The following CEACAM19 variants were observed in gnomAD, a reference collection of about 807,000 sequenced individuals.
The protein encoded by CEACAM19 is cell adhesion molecule CEACAM19.
In CEACAM19, 37 loss-of-function variants were observed where a neutral mutation model predicts 37.6. The ratio of observed to expected loss-of-function variants is 0.98; its 90% CI spans 0.76 to 1.29. The LOEUF is 1.29. Ranked by LOEUF, CEACAM19 falls within the 50% of genes most tolerant of loss-of-function variation. The pLI is 0.00. For synonymous variants in CEACAM19, 140 were observed against 149.8 expected (o/e 0.93, Z 0.48); for missense variants, 340 against 375.6 (o/e 0.91, Z 0.78).
At chr19:44,668,023 G>T (rs1321183439), upstream of CEACAM19, among the ~76,000 whole-genome samples, 32 of 73,162 alleles carry the variant, frequency 4.4e-4, 1 homozygote, top group East Asian at 9.2e-4. Flanking sequence ...TATTTATATA[G>T]TATATATTAT....
chr19:44,676,928 A>C (rs1406046304), intron 3 of CEACAM19, among the ~76,000 whole-genome samples: 1 of 152,156 alleles, frequency 6.6e-6, no homozygotes, highest in East Asian at 1.9e-4. Context: ...AAAAACAAGG[A>C]ATTGTTTAAT....
chr19:44,667,851 ATAT>A (rs1568512319), upstream of CEACAM19, among the ~76,000 whole-genome samples: 3 of 70,844 alleles, frequency 4.2e-5, no homozygotes, highest in African/African-American at 1.9e-4. Context: ...AATATATACA[ATAT>A]ATATAAATTA....
intron 1 of CEACAM19, among the ~76,000 whole-genome samples, chr19:44,672,266 T>TATGTATA (rs1232631944): frequency 1.3e-5 from 2 of 152,210 alleles, no homozygotes; most frequent in Non-Finnish European, 2.9e-5. Flanking sequence ...ATAGTTGGTA[T>TATGTATA]TATAGCTTAT....
chr19:44,679,189 C>T (rs1470293779), intron 4 of CEACAM19, among the ~76,000 whole-genome samples: 2 of 152,170 alleles, frequency 1.3e-5, no homozygotes, highest in African/African-American at 2.4e-5. Flanking sequence ...GACGGGATCT[C>T]ACTTTGTGAG....
intron 6 of CEACAM19, among the ~76,000 whole-genome samples, chr19:44,682,233 G>A (rs1974073676): frequency 6.6e-6 from 1 of 152,214 alleles, no homozygotes; most frequent in South Asian, 2.1e-4. Context: ...CTGGGTGACA[G>A]AGCAAGATCC....
chr19:44,678,573 G>T (rs576729662), intron 3 of CEACAM19: 38 of 242,562 alleles, frequency 1.6e-4, no homozygotes, highest in African/African-American at 7.9e-4. Flanking sequence ...ACCTCGCCTG[G>T]CTAATTTTTG....
At position 44,676,427 on chromosome 19, in the gene CEACAM19, G is replaced by A. The variant is rs1418065562; in HGVS notation, c.575+6G>A. On this transcript the variant is annotated splice_donor_region_variant and intron_variant, in intron 3 of 7. Coordinates refer to ENST00000358777, the MANE Select transcript of CEACAM19 (RefSeq NM_001127893.3). The stretch of plus-strand genomic sequence containing the variant: ...TGGAGGGGCCAGAGCCACAGGTACA[G>A]GGTCCCCAAGTGTCCCTCTCCTGTC... 1 of 1,613,894 alleles carries A rather than the reference G, an allele frequency of 6.2e-7. No individual in the cohort carries two copies. Among genetic ancestry groups the A allele is most frequent in the Non-Finnish European group, 8.5e-7 (1 of 1,179,936 alleles).
At chr19:44,674,779 C>T (rs942835807) in intron 2 of CEACAM19, among the ~76,000 whole-genome samples, 46 of 152,160 alleles carry the variant, frequency 3.0e-4, no homozygotes, top group Non-Finnish European at 5.6e-4. Context: ...AGGCAAAAGT[C>T]AACTCAACAT....
chr19:44,684,091 C>T lies in CEACAM19; in HGVS notation c.*601C>T, dbSNP rs1568519498. 6.6e-6 allele frequency: 1 copy of T among 152,538 alleles called. No homozygotes were observed. Among genetic ancestry groups the T allele is most frequent in the Non-Finnish European group, 1.5e-5 (1 of 68,300 alleles). The allele number at this position is 152,538 out of a possible 1,614,324, so 9.4% of individuals were successfully genotyped here. A position where few individuals can be genotyped will look rare whatever the true frequency, so the allele number is the denominator to read the frequency against. On this transcript the variant is annotated 3_prime_UTR_variant, in exon 8 of 8. Transcript: ENST00000358777. ...TCAGAACCTGCTGCCAGCTGCTGGT[C>T]TTGGCCCCCACCCTGAATCTTACTG...
intron 4 of CEACAM19, among the ~76,000 whole-genome samples, 177 bp from the exon 5 acceptor site, chr19:44,680,111 C>A (rs1485125965): frequency 1.3e-5 from 2 of 151,958 alleles, no homozygotes; most frequent in African/African-American, 2.4e-5. Flanking sequence ...TGAGGGATTG[C>A]GGATGAGGAT....
At chr19:44,672,509 C>A in intron 1 of CEACAM19, 87 bp from the exon 2 acceptor site, 1 of 1,336,640 alleles carries the variant, frequency 7.5e-7, no homozygotes, top group Non-Finnish European at 9.8e-7. Flanking sequence ...GTCCTTGCTC[C>A]CCGCTGAAGA....
intron 7 of CEACAM19, chr19:44,683,121 T>C (rs1974094026): frequency 3.1e-6 from 1 of 320,916 alleles, no homozygotes; most frequent in Non-Finnish European, 5.7e-6. Flanking sequence ...TCTGTCTTTC[T>C]GTTTCCAGTT....
At chr19:44,668,945 G>A (rs543802783), upstream of CEACAM19, among the ~76,000 whole-genome samples, 12 of 146,562 alleles carry the variant, frequency 8.2e-5, no homozygotes, top group Admixed American at 7.2e-4. Flanking sequence ...TCAGCCTCCC[G>A]AGTAGCTGGG....
rs1000908561 is a variant in CEACAM19, at chr19:44,672,848, C to T, written c.308C>T (p.Pro103Leu). 1.9e-6 allele frequency: 3 copies of T among 1,601,052 alleles called. No individual in the cohort carries two copies. In the African/African-American group the frequency reaches 4.0e-5, roughly 21 times the overall value. The change falls in exon 2 of 8, where the codon CCC becomes CTC. Residue 103 changes from proline to leucine, a missense_variant. Pro to Leu is a moderately conservative substitution (Grantham distance 98). Coordinates refer to ENST00000358777, the MANE Select transcript of CEACAM19 (RefSeq NM_001127893.3). The stretch of plus-strand genomic sequence containing the variant: ...GGACAGCGAGACATCGTGGGCTTCC[C>T]CAATGGTTCCATGCTGCTGCGCCGC... ...AMGQRDIVGF[P>L]NGSMLLRRAQ...
Position 44,671,899 on chromosome 19 carries a change from C to T in CEACAM19, c.-33C>T, listed in dbSNP as rs180727398. ...CCTCTGGCCCCCTTAGTGTCCAGCTCGTGGCCCCTTGGCATTTCCACAAGA... is the reference window on the plus strand; with the variant it reads ...CCTCTGGCCCCCTTAGTGTCCAGCTTGTGGCCCCTTGGCATTTCCACAAGA... On this transcript the variant is annotated 5_prime_UTR_variant, in exon 1 of 8. Transcript: ENST00000358777. 119 of 1,585,768 alleles carry T rather than the reference C, an allele frequency of 7.5e-5. No individual in the cohort carries two copies. In the East Asian group the frequency reaches 2.1e-3, roughly 28 times the overall value.
At chr19:44,670,838 G>C (rs1057459460), upstream of CEACAM19, among the ~76,000 whole-genome samples, 1 of 140,394 alleles carries the variant, frequency 7.1e-6, no homozygotes, top group Non-Finnish European at 1.5e-5. Context: ...GCTCACACCT[G>C]TAATCCCAGC....
chr19:44,667,013 A>G (rs1185178755), upstream of CEACAM19: 2 of 151,864 alleles, frequency 1.3e-5, no homozygotes, highest in East Asian at 1.9e-4. Flanking sequence ...TACCCCAGCC[A>G]TATGGTGGTA....
chr19:44,672,054 C>T, intron 1 of CEACAM19, 68 bp downstream of exon 1: 1 of 1,313,256 alleles, frequency 7.6e-7, no homozygotes, highest in South Asian at 1.3e-5. Flanking sequence ...TTGAAGTTTC[C>T]TCTTAGAAGT....
At chr19:44,667,640 AAT>A (rs1370308989), upstream of CEACAM19, among the ~76,000 whole-genome samples, 1 of 86,724 alleles carries the variant, frequency 1.2e-5, no homozygotes, top group Non-Finnish European at 2.2e-5. Context: ...ATAAATATAT[AAT>A]ATATATTATA....
Sources: allele counts gnomAD v4.1 joint callset (sites outside exome capture counted in the v4.1 genomes callset), GRCh38; gene constraint gnomAD v4.1.1; transcripts MANE v1.5; gene names NCBI Gene and HGNC (gene_info 2026-07-23, HGNC 2026-07-21).